CPLX2: variants seen among roughly 807,000 people sequenced by gnomAD.
CPLX2 encodes complexin 2, also known as complexin-2.
CPLX2 carries 5 observed loss-of-function variants against 16.3 expected under a neutral mutation model. That is an observed-to-expected ratio of 0.31 (90% confidence interval 0.16 to 0.64). The LOEUF (loss-of-function observed/expected upper bound fraction) is 0.64, where lower values mean the gene tolerates loss of function less well. Ranked by LOEUF, CPLX2 falls within the 30% of genes least tolerant of loss-of-function variation. CPLX2 has a pLI of 0.79. For missense variants in CPLX2, 144 were observed against 181.4 expected (o/e 0.79, Z 1.18); for synonymous variants, 89 against 73.2 (o/e 1.22, Z -1.10).
chr5:175,878,226 A>G (rs1447413508), intron 1 of CPLX2: 1 of 152,882 alleles, frequency 6.5e-6, no homozygotes, highest in Admixed American at 6.5e-5. Context: ...GGAGCCGGGG[A>G]AAGGTGGCAT....
Position 175,879,912 on chromosome 5 carries a change from A to C in CPLX2, c.272A>C (p.Glu91Ala). 1 of 1,613,844 alleles carries C rather than the reference A, an allele frequency of 6.2e-7. No individual in the cohort carries two copies. The change falls in exon 4 of 4, where the codon GAG (glutamate) becomes GCG (alanine). Residue 91 changes from glutamate to alanine, a missense_variant. Transcript: ENST00000393745. ...AAAGCAGCCCTGGAGCAGCCCTGCG[A>C]GGGGAGCCTGACCCGGCCCAAGAAG... ...EEKAALEQPC[E>A]GSLTRPKKAI...
intron 2 of CPLX2, among the ~76,000 whole-genome samples, chr5:175,864,170 G>C (rs566841126): frequency 9.2e-6 from 1 of 108,804 alleles, no homozygotes; most frequent in East Asian, 5.4e-4. Flanking sequence ...CTGGAAGGTA[G>C]AGATCACTCC....
intron 2 of CPLX2, among the ~76,000 whole-genome samples, chr5:175,853,687 C>T (rs1365762302): frequency 6.6e-6 from 1 of 152,228 alleles, no homozygotes; most frequent in African/African-American, 2.4e-5. Context: ...CCGGCCCCTT[C>T]TCTCATGGAC....
At chr5:175,824,192 T>C (rs1330841502) in intron 2 of CPLX2, among the ~76,000 whole-genome samples, 3 of 152,240 alleles carry the variant, frequency 2.0e-5, no homozygotes, top group African/African-American at 7.2e-5. Context: ...TTAAAGATTC[T>C]GTTTCCCAAA....
chr5:175,869,425 C>G (rs1411528468), upstream of CPLX2, among the ~76,000 whole-genome samples: 1 of 152,198 alleles, frequency 6.6e-6, no homozygotes, highest in Non-Finnish European at 1.5e-5. Flanking sequence ...TATCCTATGG[C>G]TGGACAGCTC....
chr5:175,844,604 A>G (rs541711934), intron 2 of CPLX2, among the ~76,000 whole-genome samples: 19 of 152,328 alleles, frequency 1.2e-4, no homozygotes, highest in South Asian at 8.3e-4. Flanking sequence ...TTGTCTGGCC[A>G]CCTGAAAAAG....
chr5:175,811,519 C>T (rs552260262), intron 2 of CPLX2, among the ~76,000 whole-genome samples: 10 of 152,178 alleles, frequency 6.6e-5, no homozygotes, highest in Non-Finnish European at 1.2e-4. Context: ...GTCCACAGCA[C>T]ATATTCATGT....
intron 1 of CPLX2, chr5:175,871,985 C>T (rs1759634566): frequency 6.6e-6 from 1 of 152,296 alleles, no homozygotes; most frequent in Non-Finnish European, 1.5e-5. Flanking sequence ...TAGCCGGAGA[C>T]TCCGGGCAGA....
At chr5:175,877,743 C>A (rs906660575) in intron 1 of CPLX2, among the ~76,000 whole-genome samples, 2 of 152,194 alleles carry the variant, frequency 1.3e-5, no homozygotes, top group Admixed American at 6.5e-5. Flanking sequence ...CTTCCTCCCC[C>A]ACCACCTCCA....
intron 1 of CPLX2, chr5:175,878,071 T>G (rs1004143885): frequency 1.3e-5 from 2 of 152,288 alleles, no homozygotes; most frequent in African/African-American, 4.8e-5. Flanking sequence ...TTTCCATTTG[T>G]CTAATTTCAA....
At chr5:175,860,354 T>G (rs985131454) in intron 2 of CPLX2, among the ~76,000 whole-genome samples, 2 of 151,384 alleles carry the variant, frequency 1.3e-5, no homozygotes, top group African/African-American at 4.9e-5. Context: ...CCCAGGAGGT[T>G]TTAGGCGGCA....
chr5:175,822,803 C>G (rs1033776118), intron 2 of CPLX2, among the ~76,000 whole-genome samples: 1 of 152,226 alleles, frequency 6.6e-6, no homozygotes, highest in African/African-American at 2.4e-5. Flanking sequence ...CTAACCCATT[C>G]CCATAGCCAG....
chr5:175,826,262 T>C (rs1023554614), intron 2 of CPLX2, among the ~76,000 whole-genome samples: 1 of 152,198 alleles, frequency 6.6e-6, no homozygotes, highest in Middle Eastern at 3.4e-3. Flanking sequence ...GAATTTCAGA[T>C]AGTGTAGACA....
chr5:175,836,185 C>T (rs1758835055), intron 2 of CPLX2, among the ~76,000 whole-genome samples: 1 of 151,982 alleles, frequency 6.6e-6, no homozygotes, highest in African/African-American at 2.4e-5. Flanking sequence ...CCCGTCTCTA[C>T]TAAAAATACA....
At chr5:175,816,436 G>A (rs1351470674) in intron 2 of CPLX2, among the ~76,000 whole-genome samples, 2 of 152,308 alleles carry the variant, frequency 1.3e-5, no homozygotes, top group East Asian at 3.9e-4. Flanking sequence ...AAAGTGCTAG[G>A]ATTACAGGCT....
intron 2 of CPLX2, among the ~76,000 whole-genome samples, chr5:175,810,850 A>G (rs1758299245): frequency 6.6e-6 from 1 of 152,262 alleles, no homozygotes; most frequent in Non-Finnish European, 1.5e-5. Context: ...TAAACTGGTC[A>G]GGTGGAATTT....
At chr5:175,799,933 G>A (rs1003338737) in intron 1 of CPLX2, among the ~76,000 whole-genome samples, 2 of 152,012 alleles carry the variant, frequency 1.3e-5, no homozygotes, top group African/African-American at 4.8e-5. Context: ...ATGAGCAAAA[G>A]GCTGCACAGT....
chr5:175,878,586 T>C (rs1457908261), intron 1 of CPLX2, 66 bp from the exon 2 acceptor site: 3 of 789,678 alleles, frequency 3.8e-6, no homozygotes, highest in Non-Finnish European at 6.3e-6. Flanking sequence ...GGCTGCTGTC[T>C]GCCTAGCTCC....
At chr5:175,820,790 T>G (rs1465401975) in intron 2 of CPLX2, among the ~76,000 whole-genome samples, 1 of 152,166 alleles carries the variant, frequency 6.6e-6, no homozygotes, top group African/African-American at 2.4e-5. Context: ...CCTCCCTTCA[T>G]GGAGTTTCCT....
Sources: allele counts gnomAD v4.1 joint callset (sites outside exome capture counted in the v4.1 genomes callset), GRCh38; gene constraint gnomAD v4.1.1; transcripts MANE v1.5; gene names NCBI Gene and HGNC (gene_info 2026-07-23, HGNC 2026-07-21).